Variants in PIK3C2G observed in about 807,000 individuals in gnomAD.
The protein encoded by PIK3C2G is phosphatidylinositol-4-phosphate 3-kinase catalytic subunit type 2 gamma, also known as phosphatidylinositol 3-kinase C2 domain-containing subunit gamma.
PIK3C2G carries 168 observed loss-of-function variants against 181.1 expected under a neutral mutation model. The observed-to-expected ratio is 0.93, with a 90% CI of 0.82 to 1.05. The LOEUF is 1.05. PIK3C2G is among the 50% of genes least tolerant of loss of function. The pLI, the probability that PIK3C2G is intolerant of heterozygous loss-of-function variation, is 0.00. For missense variants in PIK3C2G, 1,869 were observed against 1,732.8 expected, an observed-to-expected ratio of 1.08 and a Z score of -1.40; for synonymous variants, 573 against 592.2, an observed-to-expected ratio of 0.97 and a Z score of 0.47.
chr12:18,325,386 C>CGAG (rs937183492), intron 8 of PIK3C2G, among the ~76,000 whole-genome samples: 34 of 152,076 alleles, frequency 2.2e-4, no homozygotes, highest in African/African-American at 6.5e-4. Context: ...TATGTGTCTC[C>CGAG]CAGCCAGAGA....
At chr12:18,278,899 G>T (rs1268728542) in intron 1 of PIK3C2G, among the ~76,000 whole-genome samples, 1 of 151,898 alleles carries the variant, frequency 6.6e-6, no homozygotes, top group Non-Finnish European at 1.5e-5. Flanking sequence ...TCTGGAAGAG[G>T]TTGTGTTTTT....
intron 1 of PIK3C2G, among the ~76,000 whole-genome samples, chr12:18,265,961 C>T (rs1009072711): frequency 7.1e-5 from 10 of 139,950 alleles, no homozygotes; most frequent in Non-Finnish European, 1.2e-4. Context: ...TTGCAGTGAG[C>T]CGAGATCGTG....
intron 11 of PIK3C2G, among the ~76,000 whole-genome samples, chr12:18,361,539 A>G (rs1690881028): frequency 6.6e-6 from 1 of 151,792 alleles, no homozygotes; most frequent in African/African-American, 2.4e-5. Context: ...CACTGAAAAA[A>G]AAAAACCTTC....
At chr12:18,723,628 A>T in the PIK3C2G span, 5 of 1,012,538 alleles carry the variant, frequency 4.9e-6, no homozygotes, top group Non-Finnish European at 7.5e-6. Flanking sequence ...AACATGTAGT[A>T]ATTTATACTT....
At position 18,640,518 on chromosome 12, in the gene PIK3C2G, T is replaced by A; in HGVS notation, c.4272T>A (p.Ser1424=). The change falls in exon 32 of 33, where the codon TCT becomes TCA. Residue 1424 remains serine (S), a synonymous_variant. Transcript: ENST00000538779. ...AAGTTCGTAGGAGGAAAACAAAATC[T>A]GTTCCAAAATGTACGGACCCCACTT... ...PSEVRRRKTK[S]VPKCTDPTYN... is the part of the protein sequence containing the mutation. 6.2e-7 allele frequency: 1 copy of A among 1,603,578 alleles called. No individual in the cohort carries two copies. The highest frequency in any genetic ancestry group is 8.5e-7 in the Non-Finnish European group (1 of 1,173,922).
chr12:18,381,722 A>G, intron 13 of PIK3C2G, 44 bp from the exon 14 acceptor site: 1 of 1,111,468 alleles, frequency 9.0e-7, no homozygotes, highest in Non-Finnish European at 1.4e-6. Context: ...AACTTCCCTC[A>G]TGAAGTGACT....
intron 28 of PIK3C2G, among the ~76,000 whole-genome samples, chr12:18,563,836 A>G (rs1262505992): frequency 6.6e-6 from 1 of 151,926 alleles, no homozygotes; most frequent in Non-Finnish European, 1.5e-5. Context: ...TAAAAATACA[A>G]TTGAAATTGA....
At chr12:18,392,779 A>T (rs1592142868) in intron 15 of PIK3C2G, among the ~76,000 whole-genome samples, 1 of 152,246 alleles carries the variant, frequency 6.6e-6, no homozygotes, top group East Asian at 1.9e-4. Context: ...GTTTATCACT[A>T]TATTTCTAAT....
intron 30 of PIK3C2G, among the ~76,000 whole-genome samples, chr12:18,604,271 A>G (rs1405083161): frequency 6.6e-6 from 1 of 152,216 alleles, no homozygotes; most frequent in Non-Finnish European, 1.5e-5. Flanking sequence ...ACAAACTTTA[A>G]AGCAACCACA....
chr12:18,700,508 C>T, the PIK3C2G span, among the ~76,000 whole-genome samples: 1 of 7,820 alleles, frequency 1.3e-4, no homozygotes, highest in Non-Finnish European at 5.1e-4. Context: ...TCAGAGCCAA[C>T]GTACAAAAAA....
intron 24 of PIK3C2G, 61 bp from the exon 25 acceptor site, chr12:18,538,095 G>T (rs1943954407): frequency 6.8e-6 from 10 of 1,475,090 alleles, no homozygotes; most frequent in Non-Finnish European, 9.3e-6. Flanking sequence ...TATAACTGCT[G>T]ATTTAACCTG....
chr12:18,407,197 T>C (rs886393511), intron 16 of PIK3C2G, among the ~76,000 whole-genome samples: 4 of 152,100 alleles, frequency 2.6e-5, no homozygotes, highest in African/African-American at 9.7e-5. Flanking sequence ...TCAGATTCTT[T>C]CATTGCCAAA....
chr12:18,333,280 CATTT>C (rs1192413358), intron 8 of PIK3C2G, among the ~76,000 whole-genome samples: 2 of 152,022 alleles, frequency 1.3e-5, no homozygotes, highest in Admixed American at 1.3e-4. Flanking sequence ...TCTATATTTT[CATTT>C]GTTTGTTTGT....
At chr12:18,608,852 C>A (rs1028531740) in intron 30 of PIK3C2G, among the ~76,000 whole-genome samples, 1 of 151,986 alleles carries the variant, frequency 6.6e-6, no homozygotes, top group Non-Finnish European at 1.5e-5. Context: ...TGAAAGTTGT[C>A]GTCTGAAACT....
At chr12:18,691,053 T>C in the PIK3C2G span, among the ~76,000 whole-genome samples, 3 of 152,000 alleles carry the variant, frequency 2.0e-5, no homozygotes, top group Admixed American at 6.6e-5. Context: ...GCCAAAGAAA[T>C]AGACCTGATG....
the PIK3C2G span, among the ~76,000 whole-genome samples, chr12:18,704,721 C>T: frequency 6.6e-6 from 1 of 152,022 alleles, no homozygotes; most frequent in African/African-American, 2.4e-5. Flanking sequence ...CTTCAGTATG[C>T]TCAAATTAAG....
At chr12:18,577,921 C>T (rs183780689) in intron 29 of PIK3C2G, among the ~76,000 whole-genome samples, 120 of 152,290 alleles carry the variant, frequency 7.9e-4, no homozygotes, top group Non-Finnish European at 1.5e-3. Context: ...TTAGCTGCCA[C>T]ATTGAAAATC....
downstream of PIK3C2G, among the ~76,000 whole-genome samples, chr12:18,651,922 C>G (rs966895189): frequency 1.3e-5 from 2 of 152,142 alleles, no homozygotes; most frequent in African/African-American, 4.8e-5. Flanking sequence ...TCTTTCCATT[C>G]CATCATAACT....
intron 30 of PIK3C2G, among the ~76,000 whole-genome samples, chr12:18,602,338 G>A (rs547566747): frequency 1.8e-4 from 27 of 151,884 alleles, no homozygotes; most frequent in African/African-American, 2.9e-4. Context: ...CCAGTGACCC[G>A]GGACCTCACG....
Sources: gnomAD v4.1 joint callset for allele counts (sites outside exome capture counted in the v4.1 genomes callset) on GRCh38, gnomAD v4.1.1 for gene constraint, MANE v1.5 for transcripts, NCBI Gene and HGNC (gene_info 2026-07-23, HGNC 2026-07-21) for gene names.